The following B4GALT1 variants were observed in gnomAD, a reference collection of about 807,000 sequenced individuals.
B4GALT1 encodes the protein N-acetyllactosamine synthase.
In B4GALT1, 16 loss-of-function variants were observed where a neutral mutation model predicts 34.9. That is an observed-to-expected ratio of 0.46 (90% confidence interval 0.31 to 0.70). The LOEUF is 0.70. Among genes scored for constraint, B4GALT1 ranks in the 30% least tolerant of loss-of-function variants. The pLI, the probability that B4GALT1 is intolerant of heterozygous loss-of-function variation, is 0.05. For missense variants in B4GALT1, 445 were observed against 530.5 expected, an observed-to-expected ratio of 0.84 and a Z score of 1.58; for synonymous variants, 221 against 218.1, an observed-to-expected ratio of 1.01 and a Z score of -0.12.
At chr9:33,113,644 A>G in intron 5 of B4GALT1, 58 bp from the exon 6 acceptor site, 1 of 1,612,346 alleles carries the variant, frequency 6.2e-7, no homozygotes, top group Non-Finnish European at 8.5e-7. Context: ...AGAAGAAATC[A>G]TCACACGTAC....
intron 1 of B4GALT1, among the ~76,000 whole-genome samples, chr9:33,142,095 G>A (rs974999635): frequency 6.6e-6 from 1 of 152,062 alleles, no homozygotes; most frequent in Non-Finnish European, 1.5e-5. Flanking sequence ...CGATTCTCCT[G>A]CCACAGCCTC....
At chr9:33,162,062 A>T (rs954321672) in intron 1 of B4GALT1, among the ~76,000 whole-genome samples, 1 of 152,232 alleles carries the variant, frequency 6.6e-6, no homozygotes, top group African/African-American at 2.4e-5. Flanking sequence ...CCCATAAATT[A>T]GCTTAGTCCC....
chr9:33,145,951 A>G (rs891071588), intron 1 of B4GALT1, among the ~76,000 whole-genome samples: 1 of 152,190 alleles, frequency 6.6e-6, no homozygotes, highest in Non-Finnish European at 1.5e-5. Context: ...CAGATCCCCA[A>G]TTCTGTGGGG....
At chr9:33,131,678 A>G (rs1840195407) in intron 2 of B4GALT1, among the ~76,000 whole-genome samples, 1 of 152,220 alleles carries the variant, frequency 6.6e-6, no homozygotes, top group Non-Finnish European at 1.5e-5. Flanking sequence ...GAGAGGCTAT[A>G]AAGAGGGCTA....
chr9:33,133,903 A>G (rs1302304548), intron 2 of B4GALT1, among the ~76,000 whole-genome samples: 2 of 152,112 alleles, frequency 1.3e-5, no homozygotes, highest in East Asian at 3.8e-4. Context: ...GTCCCTGCTC[A>G]CTGGCCCCAG....
chr9:33,135,911 A>ATGTATGTGTG (rs1840264498), intron 1 of B4GALT1, among the ~76,000 whole-genome samples: 1 of 135,990 alleles, frequency 7.4e-6, no homozygotes, highest in Non-Finnish European at 1.6e-5. Context: ...GTGTGTGTGT[A>ATGTATGTGTG]TGTGTGTGTG....
chr9:33,134,420 A>C (rs1840237487), intron 2 of B4GALT1, among the ~76,000 whole-genome samples: 1 of 152,214 alleles, frequency 6.6e-6, no homozygotes. Context: ...AAAAACATGA[A>C]TTTAAGTGTT....
intron 3 of B4GALT1, among the ~76,000 whole-genome samples, chr9:33,118,685 A>G (rs1839976947): frequency 6.6e-6 from 1 of 151,894 alleles, no homozygotes; most frequent in African/African-American, 2.4e-5. Flanking sequence ...AATAAAAGAA[A>G]AAGAAAAAAA....
rs1238880898 is a variant in B4GALT1 at position 33,111,271 on chromosome 9, A to C, written c.*2183T>G. 6.9e-6 allele frequency: 1 copy of C among 144,464 alleles called. No individual in the cohort carries two copies. The highest frequency in any genetic ancestry group is 1.5e-5 in the Non-Finnish European group (1 of 66,832). The allele number at this position is 144,464 out of a possible 1,614,324, so 8.9% of individuals were successfully genotyped here. ...TAACCAAAAAAAAAAAAAAAAAAAA[A>C]AAAAAAACAACAAGAAAAGGTAGAG... On this transcript the variant is annotated 3_prime_UTR_variant, in exon 6 of 6. Transcript: ENST00000379731.
At chr9:33,106,330 T>C (rs572376681), downstream of B4GALT1, among the ~76,000 whole-genome samples, 1 of 152,174 alleles carries the variant, frequency 6.6e-6, no homozygotes, top group Admixed American at 6.5e-5. Context: ...GAAGCCTGGG[T>C]AGGGAGTTTG....
rs114489872 is a variant in B4GALT1 at position 33,105,491 on chromosome 9, C to T, written c.649-710G>A. 2.6e-3 allele frequency among the ~76,000 whole-genome samples: 395 copies of T among 152,280 alleles called. 3 individuals carry two copies. The highest frequency in any genetic ancestry group is 8.6e-3 in the African/African-American group (358 of 41,560). Reference sequence around the variant, plus strand: ...AGGTAGCAACTGAAAAGTCAGTCATCGGGGGCAGAGTGCCAATGTAAAGTT... The same window carrying T: ...AGGTAGCAACTGAAAAGTCAGTCATTGGGGGCAGAGTGCCAATGTAAAGTT... On this transcript the variant is annotated intron_variant, in intron 2 of 2. Transcript: ENST00000535206.
chr9:33,172,540 C>CT, the B4GALT1 span, among the ~76,000 whole-genome samples: 1 of 152,182 alleles, frequency 6.6e-6, no homozygotes, highest in African/African-American at 2.4e-5. Flanking sequence ...TGTTTCTTTT[C>CT]TTATCTGCCA....
chr9:33,116,202 T>C lies in B4GALT1; in HGVS notation c.837-89A>G, dbSNP rs554687374. 1.4e-5 allele frequency: 21 copies of C among 1,474,064 alleles called. No individual in the cohort carries two copies. In the East Asian group the frequency reaches 5.0e-4, roughly 35 times the overall value. The allele number at this position is 1,474,064 out of a possible 1,614,324, so 91.3% of individuals were successfully genotyped here. A position where few individuals can be genotyped will look rare whatever the true frequency, so the allele number is the denominator to read the frequency against. ...AAGCTTGCTGAGAACATAAACACTT[T>C]TAAAGTTATTCTTTTTGCTTCTCTA... On this transcript the variant is annotated intron_variant, in intron 3 of 5. Coordinates refer to ENST00000379731, the MANE Select transcript of B4GALT1 (RefSeq NM_001497.4).
chr9:33,122,989 C>A (rs1451829579), intron 2 of B4GALT1, among the ~76,000 whole-genome samples: 1 of 151,924 alleles, frequency 6.6e-6, no homozygotes, highest in African/African-American at 2.4e-5. Flanking sequence ...ACTAAAAACA[C>A]AAAAAATTGC....
chr9:33,166,507 G>A (rs1840756007), intron 1 of B4GALT1, among the ~76,000 whole-genome samples: 1 of 152,192 alleles, frequency 6.6e-6, no homozygotes, highest in East Asian at 1.9e-4. Flanking sequence ...TCTGGTTCTG[G>A]GGCTAGAGGG....
intron 2 of B4GALT1, among the ~76,000 whole-genome samples, chr9:33,132,972 G>A (rs1485919788): frequency 2.0e-5 from 3 of 151,800 alleles, no homozygotes; most frequent in Non-Finnish European, 2.9e-5. Flanking sequence ...GCATGATCTC[G>A]GCTCACTGCA....
chr9:33,152,996 C>T (rs1840545102), intron 1 of B4GALT1, among the ~76,000 whole-genome samples: 4 of 152,138 alleles, frequency 2.6e-5, no homozygotes, highest in South Asian at 2.1e-4. Context: ...CCCAGGAGTT[C>T]GAGTCCAGCC....
chr9:33,122,871 G>T (rs368100697), intron 2 of B4GALT1, among the ~76,000 whole-genome samples: 17 of 151,990 alleles, frequency 1.1e-4, no homozygotes, highest in African/African-American at 3.6e-4. Flanking sequence ...TAGGCTGGGC[G>T]TGGTGGCTCA....
downstream of B4GALT1, among the ~76,000 whole-genome samples, chr9:33,106,146 C>T (rs774509005): frequency 2.0e-5 from 3 of 152,146 alleles, no homozygotes; most frequent in Non-Finnish European, 4.4e-5. Context: ...ACATCAGATC[C>T]AATTTCTGCA....
Sources: allele counts gnomAD v4.1 joint callset (sites outside exome capture counted in the v4.1 genomes callset), GRCh38; gene constraint gnomAD v4.1.1; transcripts MANE v1.5; gene names NCBI Gene and HGNC (gene_info 2026-07-23, HGNC 2026-07-21).